The following TMEM131L variants were observed in gnomAD, a reference collection of about 807,000 sequenced individuals.
TMEM131L encodes the protein transmembrane protein 131-like.
In TMEM131L, 54 loss-of-function variants were observed where a neutral mutation model predicts 192.2. The ratio of observed to expected loss-of-function variants is 0.28; its 90% CI spans 0.23 to 0.35. The LOEUF is 0.35. Ranked by LOEUF, TMEM131L falls within the 10% of genes least tolerant of loss-of-function variation. The pLI, the probability that TMEM131L is intolerant of heterozygous loss-of-function variation, is 1.00. For missense variants in TMEM131L, 1,888 were observed against 1,972.9 expected (o/e 0.96, Z 0.82); for synonymous variants, 701 against 704.9 (o/e 0.99, Z 0.09).
intron 7 of TMEM131L, among the ~76,000 whole-genome samples, chr4:153,570,142 G>A (rs577277435): frequency 2.6e-5 from 4 of 152,258 alleles, no homozygotes; most frequent in Admixed American, 2.0e-4. Context: ...AGAATTTATA[G>A]TGGTTCAATA....
chr4:153,524,707 G>C (rs143749658), intron 3 of TMEM131L, among the ~76,000 whole-genome samples: 1 of 152,184 alleles, frequency 6.6e-6, no homozygotes, highest in Admixed American at 6.5e-5. Context: ...TTTCCATTTC[G>C]TGGCCTGGAG....
intron 3 of TMEM131L, among the ~76,000 whole-genome samples, chr4:153,534,695 T>C (rs140765028): frequency 6.6e-6 from 1 of 152,106 alleles, no homozygotes; most frequent in Non-Finnish European, 1.5e-5. Context: ...GGCCTCCCAA[T>C]GTGCTAGGAT....
At chr4:153,623,842 C>T (rs1176591062) in intron 29 of TMEM131L, among the ~76,000 whole-genome samples, 1 of 151,404 alleles carries the variant, frequency 6.6e-6, no homozygotes, top group East Asian at 1.9e-4. Flanking sequence ...GGAGAGGTCA[C>T]AGAAGCATCT....
chr4:153,544,410 T>C (rs1338365577), intron 3 of TMEM131L, among the ~76,000 whole-genome samples: 1 of 152,220 alleles, frequency 6.6e-6, no homozygotes, highest in East Asian at 1.9e-4. Context: ...AAGTGTCTGC[T>C]GAGTTTCCCT....
chr4:153,508,322 G>A (rs1419538992), intron 3 of TMEM131L, among the ~76,000 whole-genome samples: 1 of 152,164 alleles, frequency 6.6e-6, no homozygotes, highest in African/African-American at 2.4e-5. Flanking sequence ...TAAAGTTTGA[G>A]CCAGGATGAC....
intron 3 of TMEM131L, among the ~76,000 whole-genome samples, chr4:153,507,346 C>G (rs1475203056): frequency 1.3e-5 from 2 of 152,196 alleles, no homozygotes; most frequent in African/African-American, 4.8e-5. Flanking sequence ...CTGTCTCCAA[C>G]TAAGGCAGTG....
rs906444972 is a variant in TMEM131L, at chr4:153,625,603, A to G, written c.4046-544A>G. Among the ~76,000 whole-genome samples the G allele has an allele frequency of 5.9e-5, 9 of 152,282 alleles. No homozygotes were observed. In the East Asian group the frequency reaches 1.5e-3, roughly 26 times the overall value. On this transcript the variant is annotated intron_variant, in intron 29 of 34. Coordinates refer to ENST00000409959, the MANE Select transcript of TMEM131L (RefSeq NM_001131007.2). ...TGTAAAAAAACAAAAGACAATGTATATGTGAAATATGATTCCAATTTTATA... is the reference window on the plus strand; with the variant it reads ...TGTAAAAAAACAAAAGACAATGTATGTGTGAAATATGATTCCAATTTTATA...
At chr4:153,537,898 C>T (rs1214490561) in intron 3 of TMEM131L, among the ~76,000 whole-genome samples, 2 of 152,210 alleles carry the variant, frequency 1.3e-5, no homozygotes, top group Non-Finnish European at 2.9e-5. Flanking sequence ...TGATGGACTC[C>T]TTTCTCCCTA....
chr4:153,594,800 C>G (rs1386227609), intron 19 of TMEM131L, among the ~76,000 whole-genome samples: 1 of 152,058 alleles, frequency 6.6e-6, no homozygotes, highest in Non-Finnish European at 1.5e-5. Context: ...AGCCGTGCAC[C>G]CAGGTGTGGT....
intron 7 of TMEM131L, among the ~76,000 whole-genome samples, chr4:153,569,085 TTGC>T (rs776484861): frequency 4.0e-4 from 61 of 152,344 alleles, no homozygotes; most frequent in Non-Finnish European, 7.3e-4. Context: ...TGCTTCTCTG[TTGC>T]CCACCAATTA....
chr4:153,629,409 G>T (rs1734064518), intron 31 of TMEM131L, among the ~76,000 whole-genome samples: 1 of 152,194 alleles, frequency 6.6e-6, no homozygotes, highest in South Asian at 2.1e-4. Flanking sequence ...TATTACTGCA[G>T]ATTTCCCTTC....
intron 3 of TMEM131L, among the ~76,000 whole-genome samples, chr4:153,539,492 AT>A (rs750436196): frequency 0.037 from 4,130 of 110,766 alleles, 95 homozygotes; most frequent in African/African-American, 0.099. Context: ...CAGAGGCTAG[AT>A]TTTTTTTTTT....
At chr4:153,467,637 C>A (rs1235460892) in intron 2 of TMEM131L, among the ~76,000 whole-genome samples, 1 of 152,212 alleles carries the variant, frequency 6.6e-6, no homozygotes, top group Non-Finnish European at 1.5e-5. Context: ...TTGAGGACAA[C>A]AGGAGTATTG....
intron 3 of TMEM131L, 60 bp downstream of exon 3, chr4:153,473,948 TC>T (rs1360827411): frequency 6.2e-6 from 7 of 1,121,736 alleles, no homozygotes; most frequent in Non-Finnish European, 7.8e-6. Context: ...CTTTGGGTGC[TC>T]TCTGAAGTCT....
intron 3 of TMEM131L, among the ~76,000 whole-genome samples, chr4:153,544,842 G>A (rs6535924): frequency 0.36 from 55,204 of 152,044 alleles, 12,343 homozygotes; most frequent in African/African-American, 0.64. Flanking sequence ...CCTGAGGGGA[G>A]CATCTTCCTG....
intron 3 of TMEM131L, among the ~76,000 whole-genome samples, chr4:153,542,704 G>A (rs1736883945): frequency 3.3e-5 from 5 of 152,190 alleles, no homozygotes; most frequent in Admixed American, 3.3e-4. Flanking sequence ...GGGAAGAAGA[G>A]GACTTGAAGC....
chr4:153,566,324 A>G (rs1729192964), intron 7 of TMEM131L, among the ~76,000 whole-genome samples: 1 of 151,914 alleles, frequency 6.6e-6, no homozygotes, highest in Admixed American at 6.6e-5. Context: ...TTTAGTAGAG[A>G]CGGGGTTTCA....
Position 153,564,287 on chromosome 4 carries a change from CAAAAAAAAAAAAAAA to C in TMEM131L, c.660+5932_660+5946del, listed in dbSNP as rs1178320668. On this transcript the variant is annotated intron_variant, in intron 7 of 34. Transcript: ENST00000409959. ...CTGGGAGACGAGCAAAACTCCGTCT[CAAAAAAAAAAAAAAA>C]AAAAAAAAAAAAGGCCCAAGGGAGC... 2.7e-3 allele frequency among the ~76,000 whole-genome samples: 47 copies of C among 17,652 alleles called. 1 individual carries two copies. The South Asian group carries it at 0.062, about 23-fold the overall frequency. 11.6% of individuals were successfully genotyped at this position (17,652 alleles called of 152,430 possible). A position where few individuals can be genotyped will look rare whatever the true frequency, so the allele number is the denominator to read the frequency against.
chr4:153,613,942 C>G (rs1732798371), intron 26 of TMEM131L, among the ~76,000 whole-genome samples: 1 of 152,154 alleles, frequency 6.6e-6, no homozygotes, highest in South Asian at 2.1e-4. Flanking sequence ...TACGAATTTA[C>G]AGTCTGTTTG....
Sources: gnomAD v4.1 joint callset for allele counts (sites outside exome capture counted in the v4.1 genomes callset) on GRCh38, gnomAD v4.1.1 for gene constraint, MANE v1.5 for transcripts, NCBI Gene and HGNC (gene_info 2026-07-23, HGNC 2026-07-21) for gene names.